Variants in CTNNA3 observed in about 807,000 individuals in gnomAD.
CTNNA3 encodes the protein catenin alpha 3.
CTNNA3 carries 76 observed loss-of-function variants against 95.7 expected under a neutral mutation model. The ratio of observed to expected loss-of-function variants is 0.79; its 90% CI spans 0.66 to 0.96. The LOEUF is 0.96. Ranked by LOEUF, CTNNA3 falls within the 40% of genes least tolerant of loss-of-function variation. CTNNA3 has a pLI of 0.00. For missense variants in CTNNA3, 1,191 were observed against 1,089.8 expected, an observed-to-expected ratio of 1.09 and a Z score of -1.31; for synonymous variants, 431 against 374.4, an observed-to-expected ratio of 1.15 and a Z score of -1.74.
chr10:66,784,149 C>T (rs1348317464), intron 7 of CTNNA3, among the ~76,000 whole-genome samples: 1 of 152,062 alleles, frequency 6.6e-6, no homozygotes, highest in African/African-American at 2.4e-5. Flanking sequence ...GTATTCTTTG[C>T]TGATTAACAT....
intron 17 of CTNNA3, among the ~76,000 whole-genome samples, chr10:65,920,953 A>G (rs1370534598): frequency 6.6e-6 from 1 of 152,228 alleles, no homozygotes; most frequent in Non-Finnish European, 1.5e-5. Context: ...TTGTATCTAG[A>G]TGGATAAGTG....
chr10:67,556,073 T>C (rs1841235941), intron 3 of CTNNA3, among the ~76,000 whole-genome samples: 1 of 152,248 alleles, frequency 6.6e-6, no homozygotes, highest in Admixed American at 6.5e-5. Context: ...TTTGTGTATG[T>C]TGAACCAGCC....
chr10:66,207,488 A>G (rs1435481241), intron 13 of CTNNA3, among the ~76,000 whole-genome samples: 1 of 151,978 alleles, frequency 6.6e-6, no homozygotes, highest in African/African-American at 2.4e-5. Context: ...ATAACCATAA[A>G]ACAGCTGGAG....
chr10:66,139,252 T>C (rs964577123), intron 13 of CTNNA3, among the ~76,000 whole-genome samples: 2 of 152,206 alleles, frequency 1.3e-5, no homozygotes, highest in Non-Finnish European at 2.9e-5. Flanking sequence ...TTTCCATTTA[T>C]TCACACTGTA....
rs1909654 is a variant in CTNNA3 at position 67,539,688 on chromosome 10, T to A, written c.293-19A>T. 192,026 of 1,608,560 alleles carry A rather than the reference T, an allele frequency of 0.12. 17,028 individuals carry two copies. Among genetic ancestry groups the A allele is most frequent in the African/African-American group, 0.46 (34,721 of 74,732 alleles). Reference sequence around the variant, plus strand: ...GCTTCACCTGAAAAATACAACCCCATATAAGTTATACTTTAAGTTTCAACT... The same window carrying A: ...GCTTCACCTGAAAAATACAACCCCAAATAAGTTATACTTTAAGTTTCAACT... On this transcript the variant is annotated intron_variant, in intron 3 of 17. Coordinates refer to ENST00000433211, the MANE Select transcript of CTNNA3 (RefSeq NM_013266.4).
chr10:66,281,377 G>A (rs2091488709), intron 12 of CTNNA3, among the ~76,000 whole-genome samples: 1 of 151,770 alleles, frequency 6.6e-6, no homozygotes, highest in Admixed American at 6.6e-5. Context: ...TAGGCTCAAG[G>A]TACTTTTCTA....
At position 66,621,797 on chromosome 10, in the gene CTNNA3, C is replaced by G. The variant is rs1333654338; in HGVS notation, c.1282-13G>C. 2.6e-6 allele frequency: 4 copies of G among 1,542,720 alleles called. 1 individual carries two copies. The highest frequency in any genetic ancestry group is 3.6e-6 in the Non-Finnish European group (4 of 1,126,572). ...CAAGATTTGCCACCTTAAATACAAT[C>G]CAAAATAATGGAAATTATTTTAGAT... is the stretch of plus-strand genomic sequence containing the variant. On this transcript the variant is annotated splice_polypyrimidine_tract_variant and intron_variant, in intron 9 of 17. Transcript: ENST00000433211.
At chr10:66,707,387 A>G (rs1465193875) in intron 9 of CTNNA3, among the ~76,000 whole-genome samples, 1 of 151,914 alleles carries the variant, frequency 6.6e-6, no homozygotes, top group Admixed American at 6.6e-5. Flanking sequence ...CTTTTGTAAT[A>G]ATTACATTTT....
rs1318861883 is a variant in CTNNA3 at position 66,430,950 on chromosome 10, G to A, written c.1532-51598C>T. Among the ~76,000 whole-genome samples the A allele has an allele frequency of 2.2e-4, 33 of 152,020 alleles. 1 individual carries two copies. Among genetic ancestry groups the A allele is most frequent in the East Asian group, 5.8e-4 (3 of 5,166 alleles). On this transcript the variant is annotated intron_variant, in intron 11 of 17. Coordinates refer to ENST00000433211, the MANE Select transcript of CTNNA3 (RefSeq NM_013266.4). ...CTTCTGCACAGCAAAAGAAACTACC[G>A]TCAGAGTGAACAGGCAACCTACAGA...
At chr10:67,053,837 G>A (rs61197990) in intron 7 of CTNNA3, among the ~76,000 whole-genome samples, 4,968 of 152,204 alleles carry the variant, frequency 0.033, 250 homozygotes, top group African/African-American at 0.11. Context: ...AAAATCCGAG[G>A]ACCACAGATG....
intron 10 of CTNNA3, among the ~76,000 whole-genome samples, chr10:66,590,621 G>A (rs1843516822): frequency 6.6e-6 from 1 of 151,870 alleles, no homozygotes; most frequent in Admixed American, 6.6e-5. Flanking sequence ...ATTCAGTGAG[G>A]GTAATTTCAT....
chr10:65,990,066 TTGTGTGTAGTG>T (rs1318705977), intron 15 of CTNNA3, among the ~76,000 whole-genome samples: 956 of 2,962 alleles, frequency 0.32, 8 homozygotes, highest in African/African-American at 0.46. Flanking sequence ...GTGTTTCATT[TTGTGTGTAGTG>T]TGTGTGTGTG....
chr10:66,575,157 A>G (rs1842970849), intron 10 of CTNNA3, among the ~76,000 whole-genome samples: 1 of 152,090 alleles, frequency 6.6e-6, no homozygotes, highest in Non-Finnish European at 1.5e-5. Flanking sequence ...TTTTCTCCGG[A>G]AGAGAGGCAT....
intron 17 of CTNNA3, among the ~76,000 whole-genome samples, chr10:65,934,466 T>G (rs2077305326): frequency 6.6e-6 from 1 of 152,162 alleles, no homozygotes; most frequent in Non-Finnish European, 1.5e-5. Flanking sequence ...GCATGACTAG[T>G]CCATTTGCTG....
chr10:66,334,039 C>G (rs1173782650), intron 12 of CTNNA3, among the ~76,000 whole-genome samples: 1 of 152,026 alleles, frequency 6.6e-6, no homozygotes, highest in Non-Finnish European at 1.5e-5. Flanking sequence ...TTATCAGAGA[C>G]TAGGATTGCA....
chr10:66,626,376 G>GT (rs909902456), intron 9 of CTNNA3, among the ~76,000 whole-genome samples: 5 of 131,228 alleles, frequency 3.8e-5, no homozygotes, highest in Non-Finnish European at 8.5e-5. Context: ...TGTTCATATA[G>GT]TTAATTGTAA....
intron 7 of CTNNA3, among the ~76,000 whole-genome samples, chr10:66,980,251 C>T (rs550123659): frequency 5.1e-4 from 77 of 152,208 alleles, no homozygotes; most frequent in Non-Finnish European, 8.5e-4. Flanking sequence ...ATTTAGAGAC[C>T]ACTGTGTTCC....
chr10:67,123,994 A>G (rs1859591239), intron 7 of CTNNA3, among the ~76,000 whole-genome samples: 1 of 152,204 alleles, frequency 6.6e-6, no homozygotes, highest in African/African-American at 2.4e-5. Flanking sequence ...CATAAAGTGT[A>G]AACTTCAGAC....
At chr10:67,513,204 T>C (rs1018201116) in intron 5 of CTNNA3, among the ~76,000 whole-genome samples, 2 of 152,180 alleles carry the variant, frequency 1.3e-5, no homozygotes, top group Admixed American at 6.5e-5. Context: ...AGAAAGTCCA[T>C]ACCCATTCTG....
Sources: allele counts gnomAD v4.1 joint callset (sites outside exome capture counted in the v4.1 genomes callset), GRCh38; gene constraint gnomAD v4.1.1; transcripts MANE v1.5; gene names NCBI Gene and HGNC (gene_info 2026-07-23, HGNC 2026-07-21).